Variants in SAMSN1 observed in about 807,000 individuals in gnomAD.
SAMSN1 encodes SAM domain, SH3 domain and nuclear localization signals 1.
A neutral mutation model predicts 42.0 loss-of-function variants in SAMSN1; 31 were observed. The observed-to-expected ratio is 0.74, with a 90% CI of 0.55 to 1.00. SAMSN1 has a LOEUF of 1.00. Ranked by LOEUF, SAMSN1 falls within the 50% of genes least tolerant of loss-of-function variation. SAMSN1 has a pLI of 0.00. For missense variants in SAMSN1, 464 were observed against 439.4 expected (o/e 1.06, Z -0.50); for synonymous variants, 178 against 151.9 (o/e 1.17, Z -1.26).
chr21:14,490,266 T>A (rs190319374), intron 7 of SAMSN1, among the ~76,000 whole-genome samples: 39 of 152,292 alleles, frequency 2.6e-4, no homozygotes, highest in Non-Finnish European at 5.1e-4. Context: ...TTAAAGGGCA[T>A]TGGAACTAAA....
At chr21:14,644,373 C>A (rs1396650829) in intron 1 of SAMSN1, among the ~76,000 whole-genome samples, 1 of 152,016 alleles carries the variant, frequency 6.6e-6, no homozygotes, top group Non-Finnish European at 1.5e-5. Context: ...TGAGGTACCC[C>A]CCTTCCGGGC....
chr21:14,493,008 G>A (rs1040204588), intron 7 of SAMSN1, among the ~76,000 whole-genome samples: 4 of 152,188 alleles, frequency 2.6e-5, no homozygotes, highest in Admixed American at 2.6e-4. Flanking sequence ...CACACTGTTA[G>A]GCCAACTGCT....
intron 7 of SAMSN1, among the ~76,000 whole-genome samples, chr21:14,588,986 C>T (rs1031138438): frequency 6.6e-6 from 1 of 151,926 alleles, no homozygotes; most frequent in African/African-American, 2.4e-5. Context: ...CATGTATATA[C>T]TATGTATTTC....
intron 2 of SAMSN1, among the ~76,000 whole-genome samples, chr21:14,577,303 C>A (rs1981538767): frequency 1.0e-5 from 1 of 98,418 alleles, no homozygotes; most frequent in Non-Finnish European, 2.0e-5. Context: ...TTAGAAGAGA[C>A]AGGGTTTTAC....
chr21:14,581,294 C>A (rs1409237810), intron 2 of SAMSN1, among the ~76,000 whole-genome samples: 2 of 131,512 alleles, frequency 1.5e-5, no homozygotes, highest in South Asian at 2.6e-4. Context: ...CTGTTACCAA[C>A]TTTTTGTGCC....
intron 5 of SAMSN1, among the ~76,000 whole-genome samples, chr21:14,606,380 T>G (rs999527366): frequency 7.2e-5 from 11 of 152,186 alleles, no homozygotes; most frequent in Non-Finnish European, 1.5e-4. Flanking sequence ...TGATTTATTT[T>G]TATTCTTTGT....
chr21:14,640,109 C>T (rs1031911701), intron 2 of SAMSN1, among the ~76,000 whole-genome samples: 1 of 152,090 alleles, frequency 6.6e-6, no homozygotes, highest in Non-Finnish European at 1.5e-5. Flanking sequence ...ATCTTATGTT[C>T]ATCTATGGAA....
In SAMSN1 at chr21:14,540,187, T is replaced by C. The variant is rs1210170698; in HGVS notation, c.57+6018A>G. ...CATGTTAGACCTAAAACCATAAAAA[T>C]CCTAGAAGAAAACCTAGGCATTACC... On this transcript the variant is annotated intron_variant, in intron 1 of 7. Coordinates refer to ENST00000400566, the MANE Select transcript of SAMSN1 (RefSeq NM_022136.5). 4.6e-5 allele frequency among the ~76,000 whole-genome samples: 7 copies of C among 152,034 alleles called. No individual in the cohort carries two copies. The East Asian group carries it at 5.8e-4, about 13-fold the overall frequency.
At chr21:14,536,237 CA>C (rs980137775) in intron 1 of SAMSN1, among the ~76,000 whole-genome samples, 21 of 149,116 alleles carry the variant, frequency 1.4e-4, no homozygotes, top group African/African-American at 4.2e-4. Context: ...AACAAACAAA[CA>C]AAAAAAAACA....
chr21:14,551,261 G>A (rs190328777), upstream of SAMSN1, among the ~76,000 whole-genome samples: 14 of 152,102 alleles, frequency 9.2e-5, no homozygotes, highest in Admixed American at 3.9e-4. Flanking sequence ...ACATTATCTT[G>A]TTATCTCAGT....
intron 2 of SAMSN1, among the ~76,000 whole-genome samples, chr21:14,620,982 A>G (rs1470674411): frequency 1.3e-5 from 2 of 152,248 alleles, no homozygotes; most frequent in Non-Finnish European, 2.9e-5. Flanking sequence ...AAATGGTTAT[A>G]TTAATATTAA....
chr21:14,619,377 T>G (rs989626169), intron 2 of SAMSN1, among the ~76,000 whole-genome samples: 1 of 152,228 alleles, frequency 6.6e-6, no homozygotes, highest in African/African-American at 2.4e-5. Context: ...GTAAATCCCA[T>G]GGTGAATTTT....
intron 7 of SAMSN1, among the ~76,000 whole-genome samples, chr21:14,589,689 C>T (rs1321988532): frequency 6.6e-6 from 1 of 152,008 alleles, no homozygotes; most frequent in Non-Finnish European, 1.5e-5. Flanking sequence ...ATCCAGATTG[C>T]GTTATCTGTC....
At chr21:14,507,955 G>GAAAGGAC (rs558681492) in intron 5 of SAMSN1, among the ~76,000 whole-genome samples, 102 of 152,230 alleles carry the variant, frequency 6.7e-4, no homozygotes, top group African/African-American at 2.3e-3. Flanking sequence ...ATAAAGTGGG[G>GAAAGGAC]AAAGGACACC....
intron 1 of SAMSN1, among the ~76,000 whole-genome samples, chr21:14,531,268 A>AT (rs1979251395): frequency 6.6e-6 from 1 of 152,054 alleles, no homozygotes; most frequent in African/African-American, 2.4e-5. Flanking sequence ...TAAGTGACTG[A>AT]TTTTTCTATT....
At chr21:14,637,201 G>A (rs1380129965) in intron 2 of SAMSN1, among the ~76,000 whole-genome samples, 1 of 152,096 alleles carries the variant, frequency 6.6e-6, no homozygotes, top group Non-Finnish European at 1.5e-5. Context: ...AAAACCAAAG[G>A]TGAGATTTTT....
chr21:14,501,714 A>G (rs1454276968), intron 5 of SAMSN1, among the ~76,000 whole-genome samples: 2 of 152,238 alleles, frequency 1.3e-5, no homozygotes, highest in Non-Finnish European at 2.9e-5. Context: ...GTATGTGTAC[A>G]CTAAGGATAA....
chr21:14,522,043 G>T (rs1882913), intron 1 of SAMSN1, among the ~76,000 whole-genome samples: 1 of 151,930 alleles, frequency 6.6e-6, no homozygotes, highest in East Asian at 1.9e-4. Context: ...ACAGTCCAAG[G>T]TTGGGAGTAA....
chr21:14,623,224 T>G (rs1343964551), intron 2 of SAMSN1, among the ~76,000 whole-genome samples: 1 of 152,082 alleles, frequency 6.6e-6, no homozygotes, highest in Admixed American at 6.5e-5. Context: ...ACGAGAAAAA[T>G]AAACAGCTAA....
Sources: gnomAD v4.1 joint callset for allele counts (sites outside exome capture counted in the v4.1 genomes callset) on GRCh38, gnomAD v4.1.1 for gene constraint, MANE v1.5 for transcripts, NCBI Gene and HGNC (gene_info 2026-07-23, HGNC 2026-07-21) for gene names.